Variants in RTEL1 observed in about 807,000 individuals in gnomAD.
RTEL1 encodes regulator of telomere elongation helicase 1.
In RTEL1, 86 loss-of-function variants were observed where a neutral mutation model predicts 162.2. The observed-to-expected ratio is 0.53, with a 90% CI of 0.45 to 0.63. RTEL1 has a LOEUF of 0.63. RTEL1 is among the 30% of genes least tolerant of loss of function. The pLI, the probability that RTEL1 is intolerant of heterozygous loss-of-function variation, is 0.00. For missense variants in RTEL1, 1,941 were observed against 1,750.2 expected, an observed-to-expected ratio of 1.11 and a Z score of -1.95; for synonymous variants, 958 against 717.9, an observed-to-expected ratio of 1.33 and a Z score of -5.35.
chr20:63,687,544 A>C (rs1185606463), intron 16 of RTEL1, 94 bp from the exon 17 acceptor site: 6 of 1,363,500 alleles, frequency 4.4e-6, no homozygotes, highest in Non-Finnish European at 5.9e-6. Flanking sequence ...GCTTGATGCC[A>C]GTGGGTGGAG....
upstream of RTEL1, chr20:63,658,134 G>A (rs1241116279): frequency 6.6e-6 from 1 of 152,396 alleles, no homozygotes; most frequent in Admixed American, 6.5e-5. Context: ...GAGGAGACGG[G>A]CGGGACCCCA....
chr20:63,662,448 C>T (rs781754626), intron 4 of RTEL1, 98 bp from the exon 5 acceptor site: 86 of 1,574,256 alleles, frequency 5.5e-5, no homozygotes, highest in Middle Eastern at 1.7e-4. Context: ...CTCTGACCGC[C>T]GAGGCTCCTG....
In RTEL1 at chr20:63,691,627, C is replaced by T. The variant is rs1475819049; in HGVS notation, c.2557-115C>T. 5.8e-6 allele frequency: 5 copies of T among 862,390 alleles called. No individual in the cohort carries two copies. In the East Asian group the frequency reaches 7.5e-5, roughly 13 times the overall value. 53.4% of individuals were successfully genotyped at this position (862,390 alleles called of 1,614,324 possible). On this transcript the variant is annotated intron_variant, in intron 27 of 34. Coordinates refer to ENST00000360203, the MANE Select transcript of RTEL1 (RefSeq NM_001283009.2). ...GGTGTGCTGTGCCCCCCTCCCCCGACCTCCATCTTGGCTCAGGGCTCCTTG... is the reference window on the plus strand; with the variant it reads ...GGTGTGCTGTGCCCCCCTCCCCCGATCTCCATCTTGGCTCAGGGCTCCTTG...
At position 63,673,678 on chromosome 20, in the gene RTEL1, A is replaced by C. The variant is rs530233418; in HGVS notation, c.766-262A>C. 2.6e-5 allele frequency among the ~76,000 whole-genome samples: 4 copies of C among 152,214 alleles called. No homozygotes were observed. The East Asian group carries it at 7.8e-4, about 30-fold the overall frequency. On this transcript the variant is annotated intron_variant, in intron 9 of 34. Coordinates refer to ENST00000360203, the MANE Select transcript of RTEL1 (RefSeq NM_001283009.2). ...GGTCTTGAACCCCTGAGCTCAAGTG[A>C]TCTGCCCACCTTGGCCTCCCAAAGT... is the stretch of plus-strand genomic sequence containing the variant.
chr20:63,684,135 G>A (rs1009154222), intron 14 of RTEL1, among the ~76,000 whole-genome samples: 47 of 152,092 alleles, frequency 3.1e-4, no homozygotes, highest in African/African-American at 1.2e-4. Context: ...GTAGAGTGAC[G>A]GAGCTTTGTG....
rs868294155 is a variant in RTEL1 at position 63,668,187 on chromosome 20, C to T, written c.699+634C>T. Among the ~76,000 whole-genome samples the T allele has an allele frequency of 4.6e-5, 7 of 152,348 alleles. No homozygotes were observed. In the Middle Eastern group the frequency reaches 0.017, roughly 370 times the overall value. On this transcript the variant is annotated intron_variant, in intron 8 of 34. Coordinates refer to ENST00000360203, the MANE Select transcript of RTEL1 (RefSeq NM_001283009.2). This position sits in a 1 kb window ranked among gnomAD's most constrained non-coding sequence, Gnocchi z 4.3. ...GTGTGTGCCCGGCCCTGCTGCCCTC[C>T]TCCCCATGTGCCCTGCTTTTGTGCC...
In RTEL1 at chr20:63,672,594, C is replaced by T. The variant is rs569303047; in HGVS notation, c.738C>T (p.Val246=). 24 of 1,587,700 alleles carry T rather than the reference C, an allele frequency of 1.5e-5. No homozygotes were observed. The highest frequency in any genetic ancestry group is 1.7e-4 in the Middle Eastern group (1 of 6,034). Residue 246 remains valine, a synonymous_variant, in exon 9 of 35, where the codon GTC becomes GTT. Coordinates refer to ENST00000360203, the MANE Select transcript of RTEL1 (RefSeq NM_001283009.2). ...ACAACATTGACCTGAAGGGGACAGT[C>T]GTGATCTTTGACGAAGCTCACAACG... The part of the protein sequence containing the change: ...RAHNIDLKGT[V]VIFDEAHNVE...
intron 8 of RTEL1, 62 bp downstream of exon 8, chr20:63,667,615 A>T: frequency 2.2e-6 from 3 of 1,365,538 alleles, no homozygotes; most frequent in Non-Finnish European, 3.1e-6. Context: ...GGGCTTGGGA[A>T]CAGCTGTCCG....
intron 4 of RTEL1, 179 bp from the exon 5 acceptor site, chr20:63,662,367 T>C (rs1476677458): frequency 1.6e-6 from 2 of 1,288,126 alleles, no homozygotes; most frequent in Non-Finnish European, 2.2e-6. Context: ...ATCTCCTCCC[T>C]CTGTCCAGTA....
In RTEL1 at chr20:63,695,343, A is replaced by C. The variant is rs2145479213; in HGVS notation, c.3515A>C (p.Glu1172Ala). ...CTGTCTCCAGGCCCCTCACGGTCCG[A>C]GAAGACCGGGAAGACCCAGAGCAAG... ...RAPQPGPSRS[E>A]KTGKTQSKIS... Residue 1172 changes from glutamate (E) to alanine (A), a missense_variant, in exon 34 of 35, where the codon GAG becomes GCG. Coordinates refer to ENST00000360203, the MANE Select transcript of RTEL1 (RefSeq NM_001283009.2). 6 of 1,554,292 alleles carry C rather than the reference A, an allele frequency of 3.9e-6. No individual in the cohort carries two copies. Among genetic ancestry groups the C allele is most frequent in the Non-Finnish European group, 5.2e-6 (6 of 1,149,946 alleles).
intron 14 of RTEL1, chr20:63,680,948 C>A (rs2090466328): frequency 9.1e-6 from 9 of 985,378 alleles, no homozygotes; most frequent in Non-Finnish European, 1.1e-5. Flanking sequence ...CAGGGTGATG[C>A]TGGTGAGGGA....
Position 63,693,471 on chromosome 20 carries a change from ACCT to A in RTEL1, c.2992+191_2992+193del, listed in dbSNP as rs1395575260. Among the ~76,000 whole-genome samples the A allele has an allele frequency of 6.4e-3, 349 of 54,796 alleles. 47 individuals carry two copies. Among genetic ancestry groups the A allele is most frequent in the Middle Eastern group, 0.015 (2 of 136 alleles). 35.9% of individuals were successfully genotyped at this position (54,796 alleles called of 152,430 possible). A position where few individuals can be genotyped will look rare whatever the true frequency, so the allele number is the denominator to read the frequency against. On this transcript the variant is annotated intron_variant, in intron 30 of 34. Coordinates refer to ENST00000360203, the MANE Select transcript of RTEL1 (RefSeq NM_001283009.2). ...CAGCACCACCTCCACCTCCACCTCC[ACCT>A]CCACCTCCACCACCACCTCCACCTC...
intron 16 of RTEL1, chr20:63,686,083 G>A (rs570704105): frequency 4.3e-4 from 259 of 603,980 alleles, no homozygotes; most frequent in African/African-American, 8.7e-4. Context: ...TGATGGCACC[G>A]TGACCTGCCC....
At chr20:63,673,893 C>G (rs1395975171) in intron 9 of RTEL1, 47 bp from the exon 10 acceptor site, 1 of 1,547,818 alleles carries the variant, frequency 6.5e-7, no homozygotes. Flanking sequence ...TCTGGAACCC[C>G]CGATCCTGTC....
chr20:63,691,958 T>C (rs2090757060), intron 28 of RTEL1, 121 bp downstream of exon 28: 1 of 704,006 alleles, frequency 1.4e-6, no homozygotes, highest in African/African-American at 1.8e-5. Context: ...CAGGAGCTGA[T>C]GTCCAGGGCA....
chr20:63,672,910 C>T (rs2090274237), intron 9 of RTEL1, among the ~76,000 whole-genome samples: 1 of 152,230 alleles, frequency 6.6e-6, no homozygotes, highest in Non-Finnish European at 1.5e-5. Flanking sequence ...TCAGCCTGGG[C>T]CAGGGCTGTC....
chr20:63,694,303 T>TGTCAA, intron 30 of RTEL1, 69 bp from the exon 31 acceptor site: 1 of 523,070 alleles, frequency 1.9e-6, no homozygotes. Flanking sequence ...TAGCCAGCCC[T>TGTCAA]GCCCCCCCAC....
chr20:63,695,303 C>A (rs780328256), intron 33 of RTEL1, 25 bp from the exon 34 acceptor site: 2 of 1,580,956 alleles, frequency 1.3e-6, no homozygotes, highest in East Asian at 4.5e-5. Flanking sequence ...CCAGGCCCCC[C>A]TCAGACTCAA....
At chr20:63,692,034 G>C (rs908110196) in intron 28 of RTEL1, 197 bp downstream of exon 28, 1 of 549,782 alleles carries the variant, frequency 1.8e-6, no homozygotes, top group African/African-American at 1.9e-5. Context: ...ATGAGTCCCA[G>C]CTGGAATCAG....
Sources: gnomAD v4.1 joint callset for allele counts (sites outside exome capture counted in the v4.1 genomes callset) on GRCh38, gnomAD v4.1.1 for gene constraint, Gnocchi (gnomAD v3.1) non-coding constraint, MANE v1.5 for transcripts, NCBI Gene and HGNC (gene_info 2026-07-23, HGNC 2026-07-21) for gene names.